The following FTCDNL1 variants were observed in gnomAD, a reference collection of about 807,000 sequenced individuals.
The protein encoded by FTCDNL1 is formiminotransferase cyclodeaminase N-terminal like, also known as formiminotransferase N-terminal subdomain-containing protein.
FTCDNL1 carries 11 observed loss-of-function variants against 5.9 expected under a neutral mutation model. That is an observed-to-expected ratio of 1.87 (90% CI 1.18 to 3.10). The LOEUF (loss-of-function observed/expected upper bound fraction) is 3.10, where lower values mean the gene tolerates loss of function less well. Among genes scored for constraint, FTCDNL1 ranks in the 30% most tolerant of loss-of-function variants. The pLI, the probability that FTCDNL1 is intolerant of heterozygous loss-of-function variation, is 0.00. For synonymous variants in FTCDNL1, 58 were observed against 24.8 expected (o/e 2.34, Z -3.99); for missense variants, 115 against 65.5 (o/e 1.76, Z -2.61).
At chr2:199,773,505 G>C (rs551444878) in intron 3 of FTCDNL1, among the ~76,000 whole-genome samples, 3 of 152,262 alleles carry the variant, frequency 2.0e-5, no homozygotes, top group South Asian at 2.1e-4. Context: ...ATCTGTAGGA[G>C]TCATTGTCAT....
At chr2:199,729,920 C>T in the FTCDNL1 span, among the ~76,000 whole-genome samples, 15 of 152,250 alleles carry the variant, frequency 9.9e-5, no homozygotes, top group South Asian at 2.5e-3. Context: ...AATAACAAAG[C>T]TAGAGACATC....
chr2:199,847,628 G>A (rs918900345), intron 2 of FTCDNL1, among the ~76,000 whole-genome samples: 3 of 152,206 alleles, frequency 2.0e-5, no homozygotes, highest in African/African-American at 7.2e-5. Context: ...TTGTAATGGA[G>A]TATAATAGCT....
At chr2:199,821,462 T>C (rs1048601528) in intron 3 of FTCDNL1, among the ~76,000 whole-genome samples, 3 of 136,084 alleles carry the variant, frequency 2.2e-5, no homozygotes, top group Non-Finnish European at 4.7e-5. Context: ...CCCAGCCTGG[T>C]TTTTTGTTTG....
At chr2:199,753,550 T>C in the FTCDNL1 span, among the ~76,000 whole-genome samples, 1 of 152,220 alleles carries the variant, frequency 6.6e-6, no homozygotes, top group African/African-American at 2.4e-5. Context: ...TGGGACACAA[T>C]CGGAGAATAC....
At chr2:199,817,261 C>T (rs1701404191) in intron 4 of FTCDNL1, among the ~76,000 whole-genome samples, 1 of 152,168 alleles carries the variant, frequency 6.6e-6, no homozygotes, top group East Asian at 1.9e-4. Flanking sequence ...TTTTAGAGCT[C>T]TTCGCACATA....
the FTCDNL1 span, among the ~76,000 whole-genome samples, chr2:199,686,817 T>C: frequency 6.6e-6 from 1 of 152,134 alleles, no homozygotes; most frequent in Non-Finnish European, 1.5e-5. Flanking sequence ...AGTGCTCCTA[T>C]CCTATTAACA....
chr2:199,697,429 C>T, the FTCDNL1 span, among the ~76,000 whole-genome samples: 1 of 151,982 alleles, frequency 6.6e-6, no homozygotes, highest in East Asian at 1.9e-4. Context: ...AATAGTGAAC[C>T]TTTAGGCACA....
chr2:199,692,401 G>A, the FTCDNL1 span, among the ~76,000 whole-genome samples: 1 of 152,136 alleles, frequency 6.6e-6, no homozygotes, highest in Non-Finnish European at 1.5e-5. Flanking sequence ...CATTAGAATT[G>A]TCTACATTTT....
the FTCDNL1 span, among the ~76,000 whole-genome samples, chr2:199,742,979 G>A: frequency 6.6e-6 from 1 of 152,202 alleles, no homozygotes; most frequent in Non-Finnish European, 1.5e-5. Context: ...AAGAAGACTG[G>A]AAATGTTATT....
chr2:199,818,756 C>A (rs1701502542), intron 4 of FTCDNL1: 1 of 152,184 alleles, frequency 6.6e-6, no homozygotes, highest in South Asian at 2.1e-4. Context: ...TATGCTCGCC[C>A]ACCTCTCGCT....
chr2:199,760,257 C>T (rs1343369075), downstream of FTCDNL1, among the ~76,000 whole-genome samples: 1 of 150,302 alleles, frequency 6.7e-6, no homozygotes, highest in Non-Finnish European at 1.5e-5. Context: ...TAAGGCAAAG[C>T]TAATTACAAA....
chr2:199,721,717 G>T, the FTCDNL1 span, among the ~76,000 whole-genome samples: 18 of 152,282 alleles, frequency 1.2e-4, no homozygotes, highest in Non-Finnish European at 1.8e-4. Context: ...TGCCACAATA[G>T]TTGAGCTAAT....
intron 3 of FTCDNL1, among the ~76,000 whole-genome samples, chr2:199,841,667 T>C (rs1476704104): frequency 6.6e-6 from 1 of 151,922 alleles, no homozygotes; most frequent in African/African-American, 2.4e-5. Flanking sequence ...GTAAAAAAAA[T>C]GTATTCATGC....
chr2:199,723,309 T>C, the FTCDNL1 span, among the ~76,000 whole-genome samples: 4 of 152,300 alleles, frequency 2.6e-5, no homozygotes, highest in African/African-American at 9.6e-5. Flanking sequence ...TTTCTAGTTA[T>C]AGGATCATGT....
intron 3 of FTCDNL1, among the ~76,000 whole-genome samples, chr2:199,786,659 C>T: frequency 6.6e-6 from 1 of 152,256 alleles, no homozygotes; most frequent in South Asian, 2.1e-4. Context: ...ATCAAATTTA[C>T]AGTACATATT....
At chr2:199,737,329 T>C in the FTCDNL1 span, among the ~76,000 whole-genome samples, 1 of 152,224 alleles carries the variant, frequency 6.6e-6, no homozygotes, top group African/African-American at 2.4e-5. Context: ...ATTTTTGTTA[T>C]TATCTAACAA....
chr2:199,788,801 TTAAAGA>T (rs1389492370), intron 3 of FTCDNL1, among the ~76,000 whole-genome samples: 1 of 151,834 alleles, frequency 6.6e-6, no homozygotes, highest in African/African-American at 2.4e-5. Flanking sequence ...ACAAGCCTGA[TTAAAGA>T]TAAAGGAGAG....
chr2:199,841,677 C>T (rs2106633883), intron 3 of FTCDNL1, among the ~76,000 whole-genome samples: 1 of 152,146 alleles, frequency 6.6e-6, no homozygotes, highest in African/African-American at 2.4e-5. Context: ...TGTATTCATG[C>T]TCTTTCCCTC....
At chr2:199,680,140 C>A in the FTCDNL1 span, among the ~76,000 whole-genome samples, 2 of 152,020 alleles carry the variant, frequency 1.3e-5, no homozygotes, top group African/African-American at 4.8e-5. Flanking sequence ...AAAAGTAATG[C>A]GCTTAGGTTA....
Sources: gnomAD v4.1 joint callset for allele counts (sites outside exome capture counted in the v4.1 genomes callset) on GRCh38, gnomAD v4.1.1 for gene constraint, MANE v1.5 for transcripts, NCBI Gene and HGNC (gene_info 2026-07-23, HGNC 2026-07-21) for gene names.